PDE6G: variants seen among roughly 807,000 people sequenced by gnomAD.
The protein encoded by PDE6G is phosphodiesterase 6G.
In PDE6G, 10 loss-of-function variants were observed where a neutral mutation model predicts 10.9. The ratio of observed to expected loss-of-function variants is 0.91; its 90% CI spans 0.56 to 1.55. The LOEUF is 1.55. Ranked by LOEUF, PDE6G falls within the 40% of genes most tolerant of loss-of-function variation. PDE6G has a pLI of 0.00. For synonymous variants in PDE6G, 41 were observed against 42.8 expected, an observed-to-expected ratio of 0.96 and a Z score of 0.16; for missense variants, 102 against 110.1, an observed-to-expected ratio of 0.93 and a Z score of 0.33.
At chr17:81,656,612 T>C (rs776164302), upstream of PDE6G, 27 of 730,390 alleles carry the variant, frequency 3.7e-5, no homozygotes, top group African/African-American at 6.9e-5. Flanking sequence ...AGTGCCACCC[T>C]AATGAGATTG....
At chr17:81,657,046 T>G (rs1423763361), upstream of PDE6G, 1 of 187,950 alleles carries the variant, frequency 5.3e-6, no homozygotes, top group African/African-American at 2.4e-5. Context: ...GTTGAGTTCC[T>G]TCAAGGGCAA....
chr17:81,655,309 A>T (rs544683463), intron 1 of PDE6G, among the ~76,000 whole-genome samples: 1 of 151,238 alleles, frequency 6.6e-6, no homozygotes, highest in Non-Finnish European at 1.5e-5. Flanking sequence ...GCGTTCCCCA[A>T]CCCCACTTCA....
chr17:81,661,923 C>T (rs1417136876), intron 1 of PDE6G, among the ~76,000 whole-genome samples: 3 of 149,508 alleles, frequency 2.0e-5, no homozygotes, highest in Admixed American at 1.3e-4. Context: ...CCTAGGTACT[C>T]GGGAGGTTGA....
intron 1 of PDE6G, among the ~76,000 whole-genome samples, chr17:81,655,760 C>A (rs1466502119): frequency 2.0e-5 from 3 of 152,228 alleles, no homozygotes. Context: ...CCTTTCCTGC[C>A]CCTGGTCTTT....
Position 81,650,605 on chromosome 17 carries a change from A to C in PDE6G, c.*469T>G. 1 of 454,382 alleles carries C rather than the reference A, an allele frequency of 2.2e-6. No individual in the cohort carries two copies. The highest frequency in any genetic ancestry group is 4.4e-6 in the Non-Finnish European group (1 of 226,998). 28.1% of individuals were successfully genotyped at this position (454,382 alleles called of 1,614,324 possible). ...CCTGCTACCCAGCATGTCCAAACTA[A>C]GGGCACCCCCCTGGGAAGGGATGCA... On this transcript the variant is annotated 3_prime_UTR_variant, in exon 4 of 4. Transcript: ENST00000331056.
chr17:81,653,084 C>G lies in PDE6G; in HGVS notation c.146+76G>C. 2 of 1,548,984 alleles carry G rather than the reference C, an allele frequency of 1.3e-6. No individual in the cohort carries two copies. Among genetic ancestry groups the G allele is most frequent in the Non-Finnish European group, 8.9e-7 (1 of 1,122,100 alleles). ...CCCAGTGAAGTGGCCCCAGGCTCTG[C>G]CCCGCCCTCCCCTTCCTGTGCAGCC... On this transcript the variant is annotated intron_variant, in intron 2 of 3. Coordinates refer to ENST00000331056, the MANE Select transcript of PDE6G (RefSeq NM_002602.4). The surrounding 1 kb of genome is among the most constrained non-coding windows in gnomAD (Gnocchi z 5.2).
upstream of PDE6G, among the ~76,000 whole-genome samples, chr17:81,657,591 A>C (rs935560040): frequency 6.6e-6 from 1 of 152,154 alleles, no homozygotes; most frequent in East Asian, 1.9e-4. Context: ...TTAAAAACCC[A>C]TAACTCAGGC....
At position 81,651,056 on chromosome 17, in the gene PDE6G, C is replaced by T. The variant is rs750524666; in HGVS notation, c.*18G>A. 1.9e-5 allele frequency: 30 copies of T among 1,596,564 alleles called. No homozygotes were observed. Among genetic ancestry groups the T allele is most frequent in the Admixed American group, 6.7e-5 (4 of 59,966 alleles). ...GTGGGCAGGAGGGGGAGGGTCTGGA[C>T]TTCAGCAGGGCCTCGTGCTAGATGA... is the stretch of plus-strand genomic sequence containing the variant. On this transcript the variant is annotated 3_prime_UTR_variant, in exon 4 of 4. Transcript: ENST00000331056. This position sits in a 1 kb window ranked among gnomAD's most constrained non-coding sequence, Gnocchi z 4.8.
rs539057985 is a variant in PDE6G, at chr17:81,653,972, G to C, written c.-59-608C>G. 6.6e-6 allele frequency among the ~76,000 whole-genome samples: 1 copy of C among 151,988 alleles called. No individual in the cohort carries two copies. Among genetic ancestry groups the C allele is most frequent in the Non-Finnish European group, 1.5e-5 (1 of 67,974 alleles). ...ATTACCGGCGTCTGCCACCATGCCCGGCTAATCTTTGCATTTTTGCATTTT... is the reference window on the plus strand; with the variant it reads ...ATTACCGGCGTCTGCCACCATGCCCCGCTAATCTTTGCATTTTTGCATTTT... On this transcript the variant is annotated intron_variant, in intron 1 of 3. Coordinates refer to ENST00000331056, the MANE Select transcript of PDE6G (RefSeq NM_002602.4). The surrounding 1 kb of genome is among the most constrained non-coding windows in gnomAD (Gnocchi z 5.2).
upstream of PDE6G, among the ~76,000 whole-genome samples, chr17:81,658,578 C>A (rs185278642): frequency 6.6e-6 from 1 of 151,638 alleles, no homozygotes; most frequent in Non-Finnish European, 1.5e-5. Flanking sequence ...TGGTGGCTCA[C>A]GCCTGTAATC....
At chr17:81,656,884 C>T (rs2036453800), upstream of PDE6G, 1 of 484,328 alleles carries the variant, frequency 2.1e-6, no homozygotes, top group South Asian at 2.1e-5. Context: ...CCCCAAAACC[C>T]TCTGCAGCCT....
intron 1 of PDE6G, among the ~76,000 whole-genome samples, chr17:81,654,218 T>C (rs1455346764): frequency 6.6e-6 from 1 of 152,134 alleles, no homozygotes; most frequent in Non-Finnish European, 1.5e-5. Flanking sequence ...TGATGGTTAG[T>C]GGGCTGCCTC....
upstream of PDE6G, among the ~76,000 whole-genome samples, chr17:81,658,771 G>C (rs1040317998): frequency 6.6e-6 from 1 of 151,848 alleles, no homozygotes. Context: ...AACCCAGGAG[G>C]TGGAGGTTGC....
upstream of PDE6G, among the ~76,000 whole-genome samples, chr17:81,661,183 T>A (rs2036507115): frequency 6.6e-6 from 1 of 152,128 alleles, no homozygotes; most frequent in Non-Finnish European, 1.5e-5. Context: ...TACGACCAAC[T>A]TGGGCAACGT....
upstream of PDE6G, chr17:81,657,160 C>T (rs62080195): frequency 0.19 from 29,991 of 159,270 alleles, 3,229 homozygotes; most frequent in African/African-American, 0.27. Flanking sequence ...GCCAGAGTCC[C>T]GAGAGTCTCC....
chr17:81,654,026 C>T (rs921000995), intron 1 of PDE6G, among the ~76,000 whole-genome samples: 1 of 152,170 alleles, frequency 6.6e-6, no homozygotes, highest in Non-Finnish European at 1.5e-5. Flanking sequence ...ACCATGTTGA[C>T]GAGGTTGTCT....
chr17:81,657,859 C>T (rs1001204735), upstream of PDE6G, among the ~76,000 whole-genome samples: 5 of 150,946 alleles, frequency 3.3e-5, no homozygotes, highest in African/African-American at 7.3e-5. Context: ...AGAGCCTGGG[C>T]GACAGAGCGA....
At chr17:81,652,162 A>T (rs1289969627) in intron 2 of PDE6G, among the ~76,000 whole-genome samples, 1 of 148,076 alleles carries the variant, frequency 6.8e-6, no homozygotes, top group Non-Finnish European at 1.5e-5. Flanking sequence ...TGCGCACACG[A>T]GTGAGTGGAC....
intron 1 of PDE6G, among the ~76,000 whole-genome samples, chr17:81,654,451 C>T (rs528694477): frequency 1.4e-5 from 2 of 145,010 alleles, no homozygotes; most frequent in East Asian, 4.3e-4. Context: ...GAGATCTTGG[C>T]TCACTGCAAC....
Sources: gnomAD v4.1 joint callset for allele counts (sites outside exome capture counted in the v4.1 genomes callset) on GRCh38, gnomAD v4.1.1 for gene constraint, Gnocchi (gnomAD v3.1) non-coding constraint, MANE v1.5 for transcripts, NCBI Gene and HGNC (gene_info 2026-07-23, HGNC 2026-07-21) for gene names.